Variants in GLI2 observed in about 807,000 individuals in gnomAD.
GLI2 encodes the protein transcription activator GLI2.
In GLI2, 22 loss-of-function variants were observed where a neutral mutation model predicts 78.9. The observed-to-expected ratio is 0.28, with a 90% CI of 0.20 to 0.40. GLI2 has a LOEUF of 0.40. Among genes scored for constraint, GLI2 ranks in the 10% least tolerant of loss-of-function variants. The probability of loss-of-function intolerance (pLI) is 1.00; values close to 1 mark genes in which losing one functional copy is unlikely to be tolerated. For missense variants in GLI2, 2,097 were observed against 2,213.2 expected (o/e 0.95, Z 1.05); for synonymous variants, 974 against 963.7 (o/e 1.01, Z -0.20).
rs1682944167 is a variant in GLI2 at position 120,753,620 on chromosome 2, T to C, written c.-31+17335T>C. On this transcript the variant is annotated intron_variant, in intron 1 of 13. Transcript: ENST00000361492. ...TCATAAATTAAAGCTATTTCCAGGC[T>C]GGGCGCGGTGGCTCAAGCCTGTAAT... is the stretch of plus-strand genomic sequence containing the variant. Among the ~76,000 whole-genome samples the C allele has an allele frequency of 2.6e-5, 4 of 151,770 alleles. No homozygotes were observed. The South Asian group carries it at 8.5e-4, about 32-fold the overall frequency.
chr2:120,828,361 C>G (rs1257833071), intron 2 of GLI2, among the ~76,000 whole-genome samples: 1 of 152,254 alleles, frequency 6.6e-6, no homozygotes, highest in Non-Finnish European at 1.5e-5. Flanking sequence ...CATTCGAGCT[C>G]TCAACCCCAG....
chr2:120,776,755 G>C (rs553267960), intron 1 of GLI2, among the ~76,000 whole-genome samples: 1 of 152,214 alleles, frequency 6.6e-6, no homozygotes, highest in Non-Finnish European at 1.5e-5. Flanking sequence ...GGGCTGAGCC[G>C]GGGCAGAGGC....
chr2:120,912,542 C>T (rs969422094), intron 2 of GLI2, among the ~76,000 whole-genome samples: 8 of 151,994 alleles, frequency 5.3e-5, no homozygotes, highest in East Asian at 1.9e-4. Context: ...CCACAGTGGT[C>T]GTTGGTGGGG....
chr2:120,951,677 A>G (rs1044129392), intron 4 of GLI2: 4 of 525,030 alleles, frequency 7.6e-6, no homozygotes, highest in African/African-American at 5.7e-5. Flanking sequence ...ATCTATTGTA[A>G]TAATAACAGT....
At chr2:120,974,221 G>A (rs576377218) in intron 8 of GLI2, among the ~76,000 whole-genome samples, 6 of 152,018 alleles carry the variant, frequency 3.9e-5, no homozygotes, top group Admixed American at 1.3e-4. Context: ...TGGACTTTCC[G>A]TCCCTACCTG....
intron 1 of GLI2, among the ~76,000 whole-genome samples, chr2:120,779,122 A>G (rs923222474): frequency 1.3e-5 from 2 of 152,214 alleles, no homozygotes; most frequent in African/African-American, 2.4e-5. Flanking sequence ...GTGCACTGTC[A>G]TGAGCCCGCA....
chr2:120,781,376 C>T (rs543660286), intron 1 of GLI2, among the ~76,000 whole-genome samples: 12 of 152,164 alleles, frequency 7.9e-5, no homozygotes, highest in Non-Finnish European at 1.5e-4. Flanking sequence ...CTTGCCCTGC[C>T]GGGGTCAGAG....
intron 3 of GLI2, among the ~76,000 whole-genome samples, chr2:120,931,429 C>T (rs1679939516): frequency 6.6e-6 from 1 of 152,208 alleles, no homozygotes; most frequent in South Asian, 2.1e-4. Flanking sequence ...GCTCCCATTT[C>T]AAGATCTTTA....
intron 5 of GLI2, among the ~76,000 whole-genome samples, chr2:120,959,360 G>A (rs11894710): frequency 0.022 from 3,382 of 152,252 alleles, 131 homozygotes; most frequent in African/African-American, 0.078. Flanking sequence ...TGGGGTGGGG[G>A]TGGGAGCATT....
intron 1 of GLI2, among the ~76,000 whole-genome samples, chr2:120,762,712 C>T (rs1573353246): frequency 6.6e-6 from 1 of 152,268 alleles, no homozygotes; most frequent in East Asian, 1.9e-4. Context: ...GGCCCTGGCC[C>T]CTGTCTTCGA....
At chr2:120,847,910 C>T (rs1687198324) in intron 2 of GLI2, among the ~76,000 whole-genome samples, 1 of 152,168 alleles carries the variant, frequency 6.6e-6, no homozygotes, top group Admixed American at 6.5e-5. Context: ...AGGGAGAAAC[C>T]CGCTGTGGGG....
intron 5 of GLI2, among the ~76,000 whole-genome samples, chr2:120,960,589 A>C (rs1681505822): frequency 6.6e-6 from 1 of 152,202 alleles, no homozygotes; most frequent in Non-Finnish European, 1.5e-5. Context: ...TTTTTTCTGA[A>C]ATGGAAAACC....
chr2:120,934,372 C>T (rs1400983615), intron 3 of GLI2, among the ~76,000 whole-genome samples: 4 of 152,184 alleles, frequency 2.6e-5, no homozygotes, highest in African/African-American at 9.7e-5. Context: ...CTCAGCCTTC[C>T]TTTCTCCTCC....
intron 1 of GLI2, among the ~76,000 whole-genome samples, chr2:120,785,954 T>C (rs1683984790): frequency 6.6e-6 from 1 of 152,206 alleles, no homozygotes; most frequent in East Asian, 1.9e-4. Flanking sequence ...GGGGCTGAGC[T>C]GCCCGGGGGC....
At chr2:120,759,455 T>C (rs996096522) in intron 1 of GLI2, among the ~76,000 whole-genome samples, 1 of 152,230 alleles carries the variant, frequency 6.6e-6, no homozygotes, top group Non-Finnish European at 1.5e-5. Context: ...GTTTGATTAA[T>C]GTGCTAGAAC....
At position 120,736,305 on chromosome 2, in the gene GLI2, C is replaced by A. The variant is rs536489875; in HGVS notation, c.-31+20C>A. On this transcript the variant is annotated intron_variant, in intron 1 of 13. Transcript: ENST00000361492. ...CTCTCGGTAAAGTTGCATTGGCCTT[C>A]TTTTGCTTGCTTTTCGTGACGAAGC... 1.1e-4 allele frequency: 17 copies of A among 152,110 alleles called. No homozygotes were observed. Among genetic ancestry groups the A allele is most frequent in the African/African-American group, 3.9e-4 (16 of 41,520 alleles). 9.4% of individuals were successfully genotyped at this position (152,110 alleles called of 1,614,324 possible). A position where few individuals can be genotyped will look rare whatever the true frequency, so the allele number is the denominator to read the frequency against.
intron 2 of GLI2, among the ~76,000 whole-genome samples, chr2:120,917,677 G>C (rs962418202): frequency 1.3e-5 from 2 of 151,996 alleles, no homozygotes; most frequent in East Asian, 3.8e-4. Flanking sequence ...CTGGGACCTG[G>C]TCACATCCCT....
chr2:120,923,085 T>C lies in GLI2; in HGVS notation c.149-4276T>C, dbSNP rs200057719. Among the ~76,000 whole-genome samples the C allele has an allele frequency of 3.3e-5, 5 of 151,318 alleles. No individual in the cohort carries two copies. In the East Asian group the frequency reaches 9.7e-4, roughly 29 times the overall value. On this transcript the variant is annotated intron_variant, in intron 2 of 13. Coordinates refer to ENST00000361492, the MANE Select transcript of GLI2 (RefSeq NM_001374353.1). Reference sequence around the variant, plus strand: ...CACATATGGCACACACACACACATATACACAGCAACATACACACCATATGC... The same window carrying C: ...CACATATGGCACACACACACACATACACACAGCAACATACACACCATATGC...
intron 2 of GLI2, among the ~76,000 whole-genome samples, chr2:120,823,266 G>C (rs1476271937): frequency 6.6e-6 from 1 of 152,152 alleles, no homozygotes; most frequent in Non-Finnish European, 1.5e-5. Context: ...CCCCCGGTGT[G>C]ATATAATTAC....
Sources: allele counts gnomAD v4.1 joint callset (sites outside exome capture counted in the v4.1 genomes callset), GRCh38; gene constraint gnomAD v4.1.1; transcripts MANE v1.5; gene names NCBI Gene and HGNC (gene_info 2026-07-23, HGNC 2026-07-21).